The following RAD51B variants were observed in gnomAD, a reference collection of about 807,000 sequenced individuals.
RAD51B encodes the protein RAD51 paralog B.
Under a neutral mutation model 42.2 loss-of-function variants are expected in RAD51B, and 38 were observed. The observed-to-expected ratio is 0.90, with a 90% confidence interval of 0.70 to 1.18. The LOEUF is 1.18. Among genes scored for constraint, RAD51B ranks in the 50% most tolerant of loss-of-function variants. The probability of loss-of-function intolerance (pLI) is 0.00; values close to 1 mark genes in which losing one functional copy is unlikely to be tolerated. For synonymous variants in RAD51B, 154 were observed against 145.2 expected, an observed-to-expected ratio of 1.06 and a Z score of -0.43; for missense variants, 373 against 400.7, an observed-to-expected ratio of 0.93 and a Z score of 0.59.
At chr14:68,080,591 C>T (rs933922266) in intron 7 of RAD51B, among the ~76,000 whole-genome samples, 1 of 152,184 alleles carries the variant, frequency 6.6e-6, no homozygotes, top group Non-Finnish European at 1.5e-5. Flanking sequence ...GAAAGCCTCA[C>T]TTTGGTCTGC....
chr14:67,886,117 C>G (rs1376535840), intron 6 of RAD51B, 129 bp downstream of exon 6: 9 of 720,504 alleles, frequency 1.2e-5, no homozygotes, highest in Non-Finnish European at 1.9e-5. Flanking sequence ...TTTCAGTGTT[C>G]TTCTTTGTTA....
intron 10 of RAD51B, among the ~76,000 whole-genome samples, chr14:68,648,132 C>T (rs1279860639): frequency 3.1e-5 from 3 of 96,762 alleles, no homozygotes; most frequent in Admixed American, 1.0e-4. Flanking sequence ...TATACACACA[C>T]GTATATATAT....
intron 9 of RAD51B, among the ~76,000 whole-genome samples, chr14:68,457,264 T>C (rs112639258): frequency 0.062 from 9,429 of 151,960 alleles, 403 homozygotes; most frequent in Non-Finnish European, 0.09. Flanking sequence ...AAATTCTCAG[T>C]TCTGTGCAAA....
At chr14:67,862,443 G>A (rs1415059463) in intron 4 of RAD51B, among the ~76,000 whole-genome samples, 1 of 151,820 alleles carries the variant, frequency 6.6e-6, no homozygotes, top group Admixed American at 6.6e-5. Context: ...AGTTTCAGTG[G>A]GTTTTTAAAC....
chr14:68,051,274 G>A (rs2076388947), intron 7 of RAD51B, among the ~76,000 whole-genome samples: 1 of 151,986 alleles, frequency 6.6e-6, no homozygotes, highest in Admixed American at 6.6e-5. Context: ...AACATATATT[G>A]CCTGTTTTCT....
chr14:67,867,637 C>A (rs1247497315), intron 5 of RAD51B, among the ~76,000 whole-genome samples: 2 of 152,164 alleles, frequency 1.3e-5, no homozygotes, highest in Non-Finnish European at 2.9e-5. Context: ...ATCGTCGTAA[C>A]AATCATGATG....
chr14:68,607,141 G>T (rs1160458046), intron 10 of RAD51B, among the ~76,000 whole-genome samples: 1 of 152,192 alleles, frequency 6.6e-6, no homozygotes, highest in Admixed American at 6.5e-5. Flanking sequence ...ATGCGGGCGG[G>T]CCACTGAGGG....
chr14:68,199,029 A>G (rs1322873353), intron 7 of RAD51B, among the ~76,000 whole-genome samples: 1 of 152,194 alleles, frequency 6.6e-6, no homozygotes, highest in East Asian at 1.9e-4. Context: ...CCCTCCAGCT[A>G]TTCGTAGATA....
At chr14:67,982,753 A>G (rs1039426980) in intron 7 of RAD51B, among the ~76,000 whole-genome samples, 1 of 145,486 alleles carries the variant, frequency 6.9e-6, no homozygotes, top group African/African-American at 2.8e-5. Context: ...TTAAAACCAA[A>G]TGATTACTAA....
intron 4 of RAD51B, among the ~76,000 whole-genome samples, chr14:67,849,535 A>G (rs1174563172): frequency 2.0e-5 from 3 of 152,224 alleles, no homozygotes; most frequent in Middle Eastern, 3.2e-3. Flanking sequence ...CTCCCACCTC[A>G]GCCTCCCAAA....
At chr14:68,196,190 CAAA>C (rs538516792) in intron 7 of RAD51B, among the ~76,000 whole-genome samples, 3 of 112,218 alleles carry the variant, frequency 2.7e-5, no homozygotes, top group Admixed American at 9.7e-5. Context: ...GACTCCATCT[CAAA>C]AAAAAAAAAA....
In RAD51B at chr14:67,874,496, C is replaced by A. The variant is rs182152113; in HGVS notation, c.452+9357C>A. On this transcript the variant is annotated intron_variant, in intron 5 of 10. Coordinates refer to ENST00000471583, the MANE Select transcript of RAD51B (RefSeq NM_133510.4). ...TATGTGGCCCTAGACAATTCTTTTTCTTCCTCTGGGGCCCAAGGATATCAA... is the reference window on the plus strand; with the variant it reads ...TATGTGGCCCTAGACAATTCTTTTTATTCCTCTGGGGCCCAAGGATATCAA... Among the ~76,000 whole-genome samples the A allele has an allele frequency of 1.1e-4, 16 of 151,832 alleles. No homozygotes were observed. In the East Asian group the frequency reaches 2.9e-3, roughly 28 times the overall value.
chr14:67,826,800 AG>A (rs1297223298), intron 3 of RAD51B, among the ~76,000 whole-genome samples: 2 of 151,298 alleles, frequency 1.3e-5, no homozygotes, highest in African/African-American at 4.9e-5. Context: ...CTCCCACCGC[AG>A]CCTCCCGAGT....
chr14:67,924,670 C>T (rs1173450134), intron 7 of RAD51B, among the ~76,000 whole-genome samples: 2 of 152,176 alleles, frequency 1.3e-5, no homozygotes, highest in African/African-American at 4.8e-5. Context: ...GAAATATCCA[C>T]CCCTGTAATT....
At chr14:68,107,712 A>G (rs1219763827) in intron 7 of RAD51B, among the ~76,000 whole-genome samples, 1 of 151,852 alleles carries the variant, frequency 6.6e-6, no homozygotes, top group Non-Finnish European at 1.5e-5. Context: ...AAGACAATTC[A>G]CTGGAGAGTA....
chr14:68,239,252 A>G (rs2073500396), intron 7 of RAD51B, among the ~76,000 whole-genome samples: 1 of 152,032 alleles, frequency 6.6e-6, no homozygotes, highest in Admixed American at 6.5e-5. Context: ...TCTCCTGCTT[A>G]TTCGCCCCTT....
intron 7 of RAD51B, among the ~76,000 whole-genome samples, chr14:68,109,607 T>A (rs1391929227): frequency 6.6e-6 from 1 of 152,038 alleles, no homozygotes; most frequent in African/African-American, 2.4e-5. Flanking sequence ...CTAGATAATA[T>A]TCCCTCTTTT....
At chr14:68,161,183 G>A (rs1444884619) in intron 7 of RAD51B, among the ~76,000 whole-genome samples, 1 of 152,290 alleles carries the variant, frequency 6.6e-6, no homozygotes, top group Non-Finnish European at 1.5e-5. Flanking sequence ...TAAGTTAAAA[G>A]AGAATTCACT....
chr14:68,525,518 C>T (rs1566926023), intron 10 of RAD51B, among the ~76,000 whole-genome samples: 1 of 152,210 alleles, frequency 6.6e-6, no homozygotes, highest in Non-Finnish European at 1.5e-5. Context: ...GCATCCTTCC[C>T]ACTGACCATC....
Sources: allele counts gnomAD v4.1 joint callset (sites outside exome capture counted in the v4.1 genomes callset), GRCh38; gene constraint gnomAD v4.1.1; transcripts MANE v1.5; gene names NCBI Gene and HGNC (gene_info 2026-07-23, HGNC 2026-07-21).